The following RGL4 variants were observed in gnomAD, a reference collection of about 807,000 sequenced individuals.
RGL4 encodes the protein ral-GDS-related protein.
In RGL4, 41 loss-of-function variants were observed where a neutral mutation model predicts 49.6. The ratio of observed to expected loss-of-function variants is 0.83; its 90% CI spans 0.64 to 1.07. The LOEUF (loss-of-function observed/expected upper bound fraction) is 1.07. RGL4 is among the 50% of genes least tolerant of loss of function. The pLI is 0.00. For missense variants in RGL4, 610 were observed against 591.9 expected (o/e 1.03, Z -0.32); for synonymous variants, 255 against 238.0 (o/e 1.07, Z -0.66).
In RGL4 at chr22:23,697,853, A is replaced by C. The variant is rs1199385996; in HGVS notation, c.1252A>C (p.Arg418=). 1 of 1,607,350 alleles carries C rather than the reference A, an allele frequency of 6.2e-7. No homozygotes were observed. Among genetic ancestry groups the C allele is most frequent in the African/African-American group, 1.3e-5 (1 of 74,840 alleles). Residue 418 remains arginine (R), a synonymous_variant, in exon 9 of 11, where the codon AGG becomes CGG. Transcript: ENST00000290691. ...TGCCTTCCAGGGCAACACCAACAAG[A>C]GGAGCAAGGTGAGCAGCTGGGGCAC... ...PDDLDGNTNK[R]SKEVRVLQEM...
rs770815218 is a variant in RGL4 at position 23,692,406 on chromosome 22, C to T, written c.251C>T (p.Ser84Leu). The change falls in exon 2 of 11, where the codon TCA becomes TTA. Residue 84 changes from serine (S) to leucine (L), a missense_variant. Ser to Leu is a moderately radical substitution (Grantham distance 145). Coordinates refer to ENST00000290691, the MANE Select transcript of RGL4 (RefSeq NM_153615.2). ...TSVYYQPPQRSSFRIKLAFRN... is the reference protein window; with the variant it reads ...TSVYYQPPQRLSFRIKLAFRN... ...GTTTACTATCAGCCCCCGCAACGGTCATCTTTCCGGATAAAGCTGGCCTTC... is the reference window on the plus strand; with the variant it reads ...GTTTACTATCAGCCCCCGCAACGGTTATCTTTCCGGATAAAGCTGGCCTTC... 1.2e-6 allele frequency: 2 copies of T among 1,614,202 alleles called. No homozygotes were observed. Among genetic ancestry groups the T allele is most frequent in the Middle Eastern group, 1.6e-4 (1 of 6,062 alleles).
At chr22:23,694,202 G>C (rs973156878) in intron 4 of RGL4, 145 bp from the exon 5 acceptor site, 1 of 737,370 alleles carries the variant, frequency 1.4e-6, no homozygotes, top group African/African-American at 1.7e-5. Flanking sequence ...CTAGATGAGT[G>C]ACATCCACTC....
rs577991394 is a variant in RGL4, at chr22:23,699,074, T to C, written c.*191T>C. 1.3e-4 allele frequency: 200 copies of C among 1,542,326 alleles called. 1 individual carries two copies. In the African/African-American group the frequency reaches 2.1e-3, roughly 16 times the overall value. ...CCAGGATCAGGCCATGGGACTTTTG[T>C]GAGTCAGGCGGGAGACCATTTTATG... On this transcript the variant is annotated 3_prime_UTR_variant, in exon 11 of 11. Transcript: ENST00000290691.
intron 10 of RGL4, 151 bp from the exon 11 acceptor site, chr22:23,698,693 T>A (rs1412837863): frequency 1.9e-6 from 2 of 1,044,106 alleles, no homozygotes; most frequent in Non-Finnish European, 2.8e-6. Context: ...CGTGGCCAGC[T>A]GCAGAGAGCC....
intron 6 of RGL4, chr22:23,695,498 G>A: frequency 3.7e-6 from 2 of 540,026 alleles, no homozygotes; most frequent in South Asian, 1.5e-5. Flanking sequence ...ACCTCCATGG[G>A]CAGGGGGCCT....
intron 5 of RGL4, 193 bp from the exon 6 acceptor site, chr22:23,694,757 G>A: frequency 3.3e-6 from 2 of 614,818 alleles, no homozygotes; most frequent in South Asian, 1.9e-5. Flanking sequence ...CTCATGTGAA[G>A]TGGAGATGGG....
rs565008555 is a variant in RGL4 at position 23,698,900 on chromosome 22, A to T, written c.*17A>T. On this transcript the variant is annotated 3_prime_UTR_variant, in exon 11 of 11. Coordinates refer to ENST00000290691, the MANE Select transcript of RGL4 (RefSeq NM_153615.2). ...AACCCGTAGGCTGGCAACATCCTGC[A>T]GTGGCTGGGAACCCACCGGGATGCT... 10 of 1,612,192 alleles carry T rather than the reference A, an allele frequency of 6.2e-6. No homozygotes were observed. In the South Asian group the frequency reaches 1.1e-4, roughly 18 times the overall value.
rs767399047 is a variant in RGL4 at position 23,698,339 on chromosome 22, G to A, written c.1382+6G>A. 8.8e-6 allele frequency: 14 copies of A among 1,598,670 alleles called. No homozygotes were observed. The highest frequency in any genetic ancestry group is 4.0e-5 in the African/African-American group (3 of 74,574). ...CAGCTCAGTGACAAAGAGAGGTGAG[G>A]GCCTAGCCCATGGGCTGAGGGTGGG... is the stretch of plus-strand genomic sequence containing the variant. On this transcript the variant is annotated splice_donor_region_variant and intron_variant, in intron 10 of 10. Coordinates refer to ENST00000290691, the MANE Select transcript of RGL4 (RefSeq NM_153615.2).
intron 10 of RGL4, 110 bp from the exon 11 acceptor site, chr22:23,698,734 C>A: frequency 7.4e-7 from 1 of 1,344,794 alleles, no homozygotes; most frequent in Non-Finnish European, 1.0e-6. Context: ...CAGCATCAAG[C>A]CCTGTTGCAT....
Position 23,696,698 on chromosome 22 carries a change from C to A in RGL4, c.1161+10C>A. On this transcript the variant is annotated intron_variant, in intron 7 of 10. Transcript: ENST00000290691. Reference sequence around the variant, plus strand: ...GCGGAGGCAGAAGAAGGTGAGTGAGCCTGTGGCATGGACGGGCCGCAGGGG... The same window carrying A: ...GCGGAGGCAGAAGAAGGTGAGTGAGACTGTGGCATGGACGGGCCGCAGGGG... 6.2e-7 allele frequency: 1 copy of A among 1,610,880 alleles called. No homozygotes were observed. The highest frequency in any genetic ancestry group is 1.1e-5 in the South Asian group (1 of 90,870).
rs953680811 is a variant in RGL4, at chr22:23,696,224, G to C, written c.1087-390G>C. 8 of 1,049,418 alleles carry C rather than the reference G, an allele frequency of 7.6e-6. No individual in the cohort carries two copies. In the Admixed American group the frequency reaches 3.6e-4, roughly 48 times the overall value. The allele number at this position is 1,049,418 out of a possible 1,614,324, so 65.0% of individuals were successfully genotyped here. On this transcript the variant is annotated intron_variant, in intron 6 of 10. Coordinates refer to ENST00000290691, the MANE Select transcript of RGL4 (RefSeq NM_153615.2). ...CTCTGGGCCTCTGTTTCCTCATCTGGAAAATGAAGGGATGCTGAGCCTGTA... is the reference window on the plus strand; with the variant it reads ...CTCTGGGCCTCTGTTTCCTCATCTGCAAAATGAAGGGATGCTGAGCCTGTA...
At position 23,692,922 on chromosome 22, in the gene RGL4, T is replaced by C. The variant is rs535702654; in HGVS notation, c.627T>C (p.Ser209=). ...PCRGSVKNQP[S]EELPDMTTFP... ...GTGGGTCTGTAAAGAACCAACCCAG[T>C]GAGGAGCTGCCTGACATGACGACCT... The change falls in exon 3 of 11, where the codon AGT becomes AGC. Residue 209 remains serine, a synonymous_variant. Coordinates refer to ENST00000290691, the MANE Select transcript of RGL4 (RefSeq NM_153615.2). 3.2e-5 allele frequency: 52 copies of C among 1,613,328 alleles called. No individual in the cohort carries two copies. The East Asian group carries it at 8.5e-4, about 26-fold the overall frequency.
chr22:23,694,791 TC>T, intron 5 of RGL4, 158 bp from the exon 6 acceptor site: 1 of 664,502 alleles, frequency 1.5e-6, no homozygotes, highest in Non-Finnish European at 2.7e-6. Context: ...GCATGAGAGG[TC>T]CCACCCTGGT....
At chr22:23,696,772 A>C in intron 7 of RGL4, 84 bp downstream of exon 7, 1 of 1,234,438 alleles carries the variant, frequency 8.1e-7, no homozygotes, top group Non-Finnish European at 1.1e-6. Flanking sequence ...CTCCATATCA[A>C]GACAGCGGGG....
In RGL4 at chr22:23,699,154, A is replaced by G; in HGVS notation, c.*271A>G. ...TTTTTCTTAACTTTCGTTAAAATAAAATTTTAAAAAACTATTCAAAATGTT... is the reference window on the plus strand; with the variant it reads ...TTTTTCTTAACTTTCGTTAAAATAAGATTTTAAAAAACTATTCAAAATGTT... On this transcript the variant is annotated 3_prime_UTR_variant, in exon 11 of 11. Coordinates refer to ENST00000290691, the MANE Select transcript of RGL4 (RefSeq NM_153615.2). 1 of 1,416,260 alleles carries G rather than the reference A, an allele frequency of 7.1e-7. No homozygotes were observed. The highest frequency in any genetic ancestry group is 9.3e-7 in the Non-Finnish European group (1 of 1,079,248). 87.7% of individuals were successfully genotyped at this position (1,416,260 alleles called of 1,614,324 possible). A position where few individuals can be genotyped will look rare whatever the true frequency, so the allele number is the denominator to read the frequency against.
intron 5 of RGL4, 163 bp from the exon 6 acceptor site, chr22:23,694,787 G>A (rs1004620862): frequency 4.1e-5 from 27 of 654,084 alleles, no homozygotes; most frequent in Admixed American, 2.5e-4. Flanking sequence ...AGGAGCATGA[G>A]AGGTCCCACC....
At chr22:23,696,517 C>T (rs1032535230) in intron 6 of RGL4, 97 bp from the exon 7 acceptor site, 3 of 1,591,388 alleles carry the variant, frequency 1.9e-6, no homozygotes, top group African/African-American at 2.7e-5. Context: ...TGCCAGGTGG[C>T]TCCCGCCACT....
chr22:23,696,495 G>A, intron 6 of RGL4, 119 bp from the exon 7 acceptor site: 1 of 1,568,070 alleles, frequency 6.4e-7, no homozygotes, highest in Non-Finnish European at 8.6e-7. Context: ...TGGGCCAGTG[G>A]TATGAGCACG....
chr22:23,695,023 C>T lies in RGL4; in HGVS notation c.1086+4C>T, dbSNP rs771376686. 2 of 1,606,152 alleles carry T rather than the reference C, an allele frequency of 1.2e-6. No homozygotes were observed. Among genetic ancestry groups the T allele is most frequent in the South Asian group, 1.1e-5 (1 of 90,888 alleles). ...GAAGAGGGACCTACTGATCAAGGTA[C>T]AGTGGAGTCTGGGAGATGCAGGACA... On this transcript the variant is annotated splice_donor_region_variant and intron_variant, in intron 6 of 10. Transcript: ENST00000290691.
Sources: allele counts gnomAD v4.1 joint callset, GRCh38; gene constraint gnomAD v4.1.1; transcripts MANE v1.5; gene names NCBI Gene and HGNC (gene_info 2026-07-23, HGNC 2026-07-21).